Variants in MTM1 observed in about 807,000 individuals in gnomAD.
MTM1 encodes myotubularin 1.
A neutral mutation model predicts 52.1 loss-of-function variants in MTM1; 9 were observed. The ratio of observed to expected loss-of-function variants is 0.17; its 90% CI spans 0.10 to 0.30. The LOEUF (loss-of-function observed/expected upper bound fraction) is 0.30, where lower values mean the gene tolerates loss of function less well. MTM1 is among the 10% of genes least tolerant of loss of function. The pLI is 1.00. For missense variants in MTM1, 277 were observed against 470.7 expected (o/e 0.59, Z 3.81); for synonymous variants, 136 against 163.8 (o/e 0.83, Z 1.29).
Position 150,671,691 on chromosome X carries a change from C to T in MTM1, c.*96C>T, listed in dbSNP as rs2040400164. 2.1e-6 allele frequency: 2 copies of T among 961,389 alleles called. No homozygotes were observed. Among genetic ancestry groups the T allele is most frequent in the Non-Finnish European group, 2.9e-6 (2 of 686,762 alleles). 79.2% of individuals were successfully genotyped at this position (961,389 alleles called of 1,213,427 possible). ...AAAAGTAGATTAAAATATTTGCCTCCATGTAGAACTTGAACTAACATAATC... is the reference window on the plus strand; with the variant it reads ...AAAAGTAGATTAAAATATTTGCCTCTATGTAGAACTTGAACTAACATAATC... On this transcript the variant is annotated 3_prime_UTR_variant, in exon 15 of 15. Transcript: ENST00000370396.
At chrX:150,656,908 C>G (rs1189806208) in intron 10 of MTM1, among the ~76,000 whole-genome samples, 1 of 111,969 alleles carries the variant, frequency 8.9e-6, no homozygotes, top group African/African-American at 3.3e-5. Context: ...AAATGCAAAT[C>G]AAAACCACAA....
intron 5 of MTM1, among the ~76,000 whole-genome samples, chrX:150,618,451 C>T (rs1341543008): frequency 4.3e-4 from 48 of 110,788 alleles, no homozygotes; most frequent in East Asian, 2.8e-4. Flanking sequence ...GTCAGGAGTT[C>T]GAGACCAGCC....
Position 150,660,359 on chromosome X carries a change from GT to G in MTM1, c.1354-7del, listed in dbSNP as rs782326353. ...CCAGTTTTTCATGCTTTGTTTGCTTGTTTTTGTTTAGTTCCCTACAGCTTTT... is the reference window on the plus strand; with the variant it reads ...CCAGTTTTTCATGCTTTGTTTGCTTGTTTTGTTTAGTTCCCTACAGCTTTT... On this transcript the variant is annotated splice_polypyrimidine_tract_variant and intron_variant, in intron 12 of 14. Coordinates refer to ENST00000370396, the MANE Select transcript of MTM1 (RefSeq NM_000252.3). 9 of 1,058,275 alleles carry G rather than the reference GT, an allele frequency of 8.5e-6. No individual in the cohort carries two copies. The South Asian group carries it at 1.1e-4, about 13-fold the overall frequency. 87.2% of individuals were successfully genotyped at this position (1,058,275 alleles called of 1,213,427 possible). A position where few individuals can be genotyped will look rare whatever the true frequency, so the allele number is the denominator to read the frequency against.
intron 11 of MTM1, among the ~76,000 whole-genome samples, chrX:150,658,405 A>G (rs222411): frequency 2.7e-5 from 3 of 110,603 alleles, no homozygotes; most frequent in Middle Eastern, 4.7e-3. Context: ...CGAGAGATGA[A>G]TAAGTTCAAA....
intron 2 of MTM1, among the ~76,000 whole-genome samples, chrX:150,593,159 A>G (rs1480692655): frequency 8.9e-6 from 1 of 112,283 alleles, no homozygotes; most frequent in African/African-American, 3.2e-5. Flanking sequence ...AAGCTTTTAG[A>G]TACAATACCT....
At chrX:150,643,686 T>G in intron 8 of MTM1, among the ~76,000 whole-genome samples, 1 of 112,178 alleles carries the variant, frequency 8.9e-6, no homozygotes, top group Admixed American at 9.5e-5. Context: ...TATGCCAGTG[T>G]GTAGATGTAC....
chrX:150,655,846 C>T (rs984061706), intron 10 of MTM1, among the ~76,000 whole-genome samples: 4 of 111,686 alleles, frequency 3.6e-5, no homozygotes, highest in African/African-American at 1.3e-4. Flanking sequence ...TTTGCTAAAT[C>T]TTATTGCACT....
At chrX:150,587,544 C>A (rs1340964280) in intron 1 of MTM1, among the ~76,000 whole-genome samples, 1 of 111,485 alleles carries the variant, frequency 9.0e-6, no homozygotes, top group Non-Finnish European at 1.9e-5. Context: ...CTTCTTCCCC[C>A]CAAATAAACA....
At chrX:150,632,577 G>A (rs1349095745) in intron 6 of MTM1, among the ~76,000 whole-genome samples, 3 of 111,662 alleles carry the variant, frequency 2.7e-5, no homozygotes, top group Non-Finnish European at 5.6e-5. Flanking sequence ...TGGAGGGGAC[G>A]GGAGTGGAGG....
chrX:150,577,192 T>G (rs1472063651), intron 1 of MTM1, among the ~76,000 whole-genome samples: 1 of 112,355 alleles, frequency 8.9e-6, no homozygotes, highest in Non-Finnish European at 1.9e-5. Context: ...ATGGTTATAA[T>G]GTAATTTATT....
intron 9 of MTM1, among the ~76,000 whole-genome samples, chrX:150,647,194 A>AATATAT (rs59931479): frequency 0.06 from 5,015 of 83,669 alleles, 242 homozygotes; most frequent in South Asian, 0.2. Flanking sequence ...TTTCAGGGTG[A>AATATAT]ATATATATAT....
At chrX:150,580,220 G>A (rs2038554489) in intron 1 of MTM1, among the ~76,000 whole-genome samples, 1 of 111,724 alleles carries the variant, frequency 9.0e-6, no homozygotes, top group Non-Finnish European at 1.9e-5. Context: ...TAGAAGCCAC[G>A]TCTCAGATAC....
intron 14 of MTM1, among the ~76,000 whole-genome samples, chrX:150,665,851 A>C (rs1387548316): frequency 8.9e-6 from 1 of 112,294 alleles, no homozygotes; most frequent in Non-Finnish European, 1.9e-5. Flanking sequence ...TCATGTCAAA[A>C]GCATAGTCAT....
At chrX:150,620,734 A>G (rs782557410) in intron 6 of MTM1, among the ~76,000 whole-genome samples, 2 of 111,709 alleles carry the variant, frequency 1.8e-5, no homozygotes, top group African/African-American at 6.5e-5. Flanking sequence ...CGTCACTGCT[A>G]TGTAGATGAC....
At chrX:150,625,096 A>G (rs1162436850) in intron 6 of MTM1, among the ~76,000 whole-genome samples, 1 of 111,325 alleles carries the variant, frequency 9.0e-6, no homozygotes, top group Non-Finnish European at 1.9e-5. Flanking sequence ...GTGTGTGGTA[A>G]CAAGCATGTG....
upstream of MTM1, among the ~76,000 whole-genome samples, chrX:150,563,679 A>G (rs1272290270): frequency 4.7e-5 from 5 of 105,535 alleles, no homozygotes; most frequent in South Asian, 2.4e-3. Context: ...TGAGGTCAGG[A>G]GTTCAAGACC....
intron 1 of MTM1, among the ~76,000 whole-genome samples, 193 bp downstream of exon 1, chrX:150,568,855 A>T (rs1557411331): frequency 8.9e-6 from 1 of 112,890 alleles, no homozygotes; most frequent in African/African-American, 3.2e-5. Flanking sequence ...GAGGCCAGGG[A>T]GCAGCAGGCA....
At chrX:150,569,218 A>G (rs184406406) in intron 1 of MTM1, among the ~76,000 whole-genome samples, 1 of 113,452 alleles carries the variant, frequency 8.8e-6, no homozygotes, top group African/African-American at 3.2e-5. Flanking sequence ...CTGCTTTTGC[A>G]ACAGTTGAGG....
At chrX:150,615,072 G>C (rs2039358372) in intron 5 of MTM1, among the ~76,000 whole-genome samples, 2 of 111,815 alleles carry the variant, frequency 1.8e-5, no homozygotes. Flanking sequence ...TTTGCCCTCT[G>C]TTAACGGGAT....
Sources: gnomAD v4.1 joint callset for allele counts (sites outside exome capture counted in the v4.1 genomes callset) on GRCh38, gnomAD v4.1.1 for gene constraint, MANE v1.5 for transcripts, NCBI Gene and HGNC (gene_info 2026-07-23, HGNC 2026-07-21) for gene names.